Variants in JCAD observed in about 807,000 individuals in gnomAD.
JCAD encodes junctional cadherin 5-associated protein.
JCAD carries 40 observed loss-of-function variants against 98.0 expected under a neutral mutation model. That is an observed-to-expected ratio of 0.41 (90% CI 0.32 to 0.53). The LOEUF (loss-of-function observed/expected upper bound fraction) is 0.53. Ranked by LOEUF, JCAD falls within the 20% of genes least tolerant of loss-of-function variation. JCAD has a pLI of 0.31. For missense variants in JCAD, 1,705 were observed against 1,738.1 expected (o/e 0.98, Z 0.34); for synonymous variants, 691 against 682.3 (o/e 1.01, Z -0.20).
At chr10:30,072,416 T>G (rs953427682) in intron 1 of JCAD, among the ~76,000 whole-genome samples, 2 of 152,234 alleles carry the variant, frequency 1.3e-5, no homozygotes, top group Non-Finnish European at 2.9e-5. Flanking sequence ...TATGCCTTCC[T>G]GCAGCATTTG....
At chr10:30,111,300 T>A (rs1323494768) in intron 1 of JCAD, among the ~76,000 whole-genome samples, 1 of 152,196 alleles carries the variant, frequency 6.6e-6, no homozygotes, top group African/African-American at 2.4e-5. Context: ...CAAAAAAATT[T>A]TTTTTAGAGA....
At chr10:30,030,530 G>A (rs932258678) in intron 2 of JCAD, among the ~76,000 whole-genome samples, 12 of 152,114 alleles carry the variant, frequency 7.9e-5, no homozygotes, top group African/African-American at 2.2e-4. Context: ...GCATATTGCC[G>A]GCTCAGTCCA....
At chr10:30,065,900 A>C (rs1033602615) in intron 2 of JCAD, among the ~76,000 whole-genome samples, 1 of 152,232 alleles carries the variant, frequency 6.6e-6, no homozygotes, top group African/African-American at 2.4e-5. Flanking sequence ...AGAGTTGACT[A>C]AAGGCCAAAT....
At chr10:30,109,638 C>T (rs1441104043) in intron 1 of JCAD, among the ~76,000 whole-genome samples, 1 of 152,208 alleles carries the variant, frequency 6.6e-6, no homozygotes, top group Admixed American at 6.5e-5. Context: ...GCTGCTCCAG[C>T]CTCCATCCCC....
At chr10:30,089,849 CT>C (rs1329676644) in intron 1 of JCAD, among the ~76,000 whole-genome samples, 7 of 152,152 alleles carry the variant, frequency 4.6e-5, no homozygotes, top group African/African-American at 1.7e-4. Context: ...ATCAGCTCTG[CT>C]GTACAAAAGT....
Position 30,029,663 on chromosome 10 carries a change from T to G in JCAD, c.485A>C (p.His162Pro), listed in dbSNP as rs1836946123. 6.2e-7 allele frequency: 1 copy of G among 1,614,244 alleles called. No individual in the cohort carries two copies. The highest frequency in any genetic ancestry group is 1.1e-5 in the South Asian group (1 of 91,086). Residue 162 changes from histidine (H) to proline (P), a missense_variant, in exon 3 of 4, where the codon CAT becomes CCT. This residue lies in a region of JCAD where 275 missense variants were observed against 346.9 expected (regional missense o/e 0.79). Transcript: ENST00000375377. Reference protein sequence around the residue: ...GPWEVGGRSEHVMKKPVWEEE... With the variant: ...GPWEVGGRSEPVMKKPVWEEE... ...TTCCCAAACTGGCTTCTTCATCACA[T>G]GCTCTGACCTTCCTCCAACTTCCCA...
At chr10:30,092,598 C>T (rs1009921571) in intron 1 of JCAD, among the ~76,000 whole-genome samples, 2 of 152,112 alleles carry the variant, frequency 1.3e-5, no homozygotes, top group Admixed American at 6.5e-5. Context: ...CACGATGAGT[C>T]GCTTAGAGTC....
chr10:30,091,502 C>T (rs1564469640), intron 1 of JCAD, among the ~76,000 whole-genome samples: 2 of 152,052 alleles, frequency 1.3e-5, no homozygotes, highest in Admixed American at 1.3e-4. Context: ...TGGGCTTAAG[C>T]AATCCTCCCA....
intron 2 of JCAD, among the ~76,000 whole-genome samples, chr10:30,042,301 C>T (rs938436807): frequency 1.2e-4 from 18 of 152,212 alleles, no homozygotes; most frequent in African/African-American, 3.9e-4. Context: ...AAAGCTCAGG[C>T]ACCCATGCCT....
intron 2 of JCAD, among the ~76,000 whole-genome samples, chr10:30,030,198 C>T (rs1589683469): frequency 1.3e-5 from 2 of 152,162 alleles, no homozygotes; most frequent in South Asian, 2.1e-4. Context: ...AATCCCAACA[C>T]GTTGGGAGGC....
chr10:30,051,284 G>GCGCA (rs1554798252), intron 1 of JCAD, among the ~76,000 whole-genome samples: 6 of 146,762 alleles, frequency 4.1e-5, no homozygotes, highest in African/African-American at 1.5e-4. Flanking sequence ...ACACACGCAC[G>GCGCA]CACACACACA....
chr10:30,036,551 A>C (rs1037433240), intron 2 of JCAD, among the ~76,000 whole-genome samples: 1 of 152,188 alleles, frequency 6.6e-6, no homozygotes, highest in Non-Finnish European at 1.5e-5. Context: ...CATGAGCCAC[A>C]CTGACTTGTT....
At chr10:30,058,911 C>CGGAGCG (rs1416588545) in intron 1 of JCAD, among the ~76,000 whole-genome samples, 1 of 152,180 alleles carries the variant, frequency 6.6e-6, no homozygotes, top group Non-Finnish European at 1.5e-5. Flanking sequence ...GCGCAGAGAC[C>CGGAGCG]GGAGCGGGAG....
chr10:30,027,643 T>A lies in JCAD; in HGVS notation c.2505A>T (p.Leu835Phe). Residue 835 changes from leucine to phenylalanine, a missense_variant, in exon 3 of 4, where the codon TTA becomes TTT. By Grantham distance (22) the Leu-to-Phe change is conservative (BLOSUM62 0). Transcript: ENST00000375377. ...SRRPWDLISQ[L>F]ESFNKELQEE... ...CCTGGAGCTCCTTGTTAAAACTTTC[T>A]AACTGACTGATCAAATCCCAGGGAC... 6.2e-7 allele frequency: 1 copy of A among 1,614,242 alleles called. No individual in the cohort carries two copies. The highest frequency in any genetic ancestry group is 8.5e-7 in the Non-Finnish European group (1 of 1,180,040).
intron 1 of JCAD, among the ~76,000 whole-genome samples, chr10:30,079,225 T>C (rs1838032177): frequency 6.6e-6 from 1 of 151,748 alleles, no homozygotes; most frequent in South Asian, 2.1e-4. Context: ...CCGGCGCCTG[T>C]AGTCCCAGCT....
chr10:30,039,557 G>A (rs1837199590), intron 2 of JCAD, among the ~76,000 whole-genome samples: 1 of 152,224 alleles, frequency 6.6e-6, no homozygotes, highest in Admixed American at 6.5e-5. Flanking sequence ...AAAAGGTATA[G>A]ATGGAGAAAA....
intron 1 of JCAD, among the ~76,000 whole-genome samples, chr10:30,104,937 G>A (rs1358391769): frequency 2.0e-5 from 3 of 152,218 alleles, no homozygotes; most frequent in African/African-American, 4.8e-5. Context: ...AGTTAGCATT[G>A]ATTGAATGTG....
chr10:30,040,680 G>C (rs1233528598), intron 2 of JCAD, among the ~76,000 whole-genome samples: 1 of 152,212 alleles, frequency 6.6e-6, no homozygotes, highest in Non-Finnish European at 1.5e-5. Flanking sequence ...CCTGCAGCTG[G>C]GTCTCTGGTG....
intron 1 of JCAD, among the ~76,000 whole-genome samples, chr10:30,104,854 G>T (rs7091395): frequency 0.019 from 2,818 of 152,308 alleles, 83 homozygotes; most frequent in African/African-American, 0.064. Flanking sequence ...GAAGAGAGAA[G>T]AGCGGAGGGT....
Sources: allele counts gnomAD v4.1 joint callset (sites outside exome capture counted in the v4.1 genomes callset), GRCh38; gene constraint gnomAD v4.1.1; regional missense constraint gnomAD v4.1.1; transcripts MANE v1.5; gene names NCBI Gene and HGNC (gene_info 2026-07-23, HGNC 2026-07-21).